DPP6: variants seen among roughly 807,000 people sequenced by gnomAD.
DPP6 encodes dipeptidyl peptidase like 6.
DPP6 carries 69 observed loss-of-function variants against 122.6 expected under a neutral mutation model. The observed-to-expected ratio is 0.56, with a 90% CI of 0.46 to 0.69. The LOEUF is 0.69. DPP6 is among the 30% of genes least tolerant of loss of function. The pLI is 0.00. For synonymous variants in DPP6, 418 were observed against 433.1 expected (o/e 0.97, Z 0.43); for missense variants, 928 against 1,116.9 (o/e 0.83, Z 2.41).
At chr7:154,674,705 C>T (rs756896145) in intron 7 of DPP6, among the ~76,000 whole-genome samples, 4 of 152,140 alleles carry the variant, frequency 2.6e-5, no homozygotes, top group Admixed American at 2.0e-4. Context: ...ACGCAGAGAG[C>T]GTCAAAATGT....
rs570813239 is a variant in DPP6 at position 154,823,435 on chromosome 7, G to A, written c.1666+16323G>A. On this transcript the variant is annotated intron_variant, in intron 16 of 25. Transcript: ENST00000377770. Reference sequence around the variant, plus strand: ...CCTATACTTAATGCACAGTAAATGGGTCTGAATGAATTTTCAAAGTGAATA... The same window carrying A: ...CCTATACTTAATGCACAGTAAATGGATCTGAATGAATTTTCAAAGTGAATA... Among the ~76,000 whole-genome samples, 11 of 152,240 alleles carry A rather than the reference G, an allele frequency of 7.2e-5. 1 individual carries two copies. In the South Asian group the frequency reaches 2.3e-3, roughly 32 times the overall value.
intron 5 of DPP6, among the ~76,000 whole-genome samples, chr7:154,584,522 G>A (rs146345635): frequency 0.027 from 4,144 of 152,336 alleles, 77 homozygotes; most frequent in East Asian, 0.083. Flanking sequence ...ATTGCAAAAT[G>A]GACCGTCCCC....
chr7:154,258,488 A>G (rs1264398687), intron 1 of DPP6, among the ~76,000 whole-genome samples: 1 of 152,200 alleles, frequency 6.6e-6, no homozygotes, highest in African/African-American at 2.4e-5. Context: ...ACGTTGTTAT[A>G]GGAGTGTGTG....
rs1163551726 is a variant in DPP6, at chr7:154,060,159, C to G, written c.243+7096C>G. On this transcript the variant is annotated intron_variant, in intron 1 of 25. Transcript: ENST00000377770. Reference sequence around the variant, plus strand: ...CTTTCCTCCCCTGGCTCTTTGCACCCCCATCGCAGGGGGGGAGGCACCCCT... The same window carrying G: ...CTTTCCTCCCCTGGCTCTTTGCACCGCCATCGCAGGGGGGGAGGCACCCCT... 4.1e-5 allele frequency among the ~76,000 whole-genome samples: 6 copies of G among 148,064 alleles called. No individual in the cohort carries two copies. In the East Asian group the frequency reaches 6.1e-4, roughly 15 times the overall value.
chr7:154,027,398 G>A (rs1197393987), intron 1 of DPP6, among the ~76,000 whole-genome samples: 3 of 152,108 alleles, frequency 2.0e-5, no homozygotes, highest in Admixed American at 6.5e-5. Context: ...GCACTTGGCC[G>A]TCTTCTGCAT....
chr7:154,314,070 A>T (rs948433166), intron 1 of DPP6, among the ~76,000 whole-genome samples: 1 of 152,066 alleles, frequency 6.6e-6, no homozygotes, highest in Non-Finnish European at 1.5e-5. Context: ...TAGGCTTGGG[A>T]TGATGAAGAC....
chr7:153,934,047 T>G (rs1364429505), intron 1 of DPP6, among the ~76,000 whole-genome samples: 3 of 152,254 alleles, frequency 2.0e-5, no homozygotes, highest in Non-Finnish European at 4.4e-5. Flanking sequence ...ATTTACTTTC[T>G]GGGCCTTTGC....
intron 1 of DPP6, among the ~76,000 whole-genome samples, chr7:153,923,748 G>A (rs1472570111): frequency 1.4e-4 from 16 of 113,870 alleles, no homozygotes; most frequent in Non-Finnish European, 2.1e-4. Context: ...GCAACAGAGC[G>A]AGACTCCATC....
rs146826730 is a variant in DPP6 at position 154,586,581 on chromosome 7, G to A, written c.627+19665G>A. ...TGCCCAGGCTGTCACGGTGGGACAC[G>A]GAGCCCAGCCCCTGATGGCACCATC... is the stretch of plus-strand genomic sequence containing the variant. On this transcript the variant is annotated intron_variant, in intron 5 of 25. Coordinates refer to ENST00000377770, the MANE Select transcript of DPP6 (RefSeq NM_130797.4). Among the ~76,000 whole-genome samples, 248 of 152,266 alleles carry A rather than the reference G, an allele frequency of 1.6e-3. 2 individuals carry two copies. The highest frequency in any genetic ancestry group is 5.3e-3 in the African/African-American group (222 of 41,560).
intron 2 of DPP6, among the ~76,000 whole-genome samples, chr7:154,472,141 A>G (rs973122409): frequency 2.0e-5 from 3 of 152,252 alleles, no homozygotes; most frequent in African/African-American, 4.8e-5. Flanking sequence ...AATTACTGGT[A>G]GTATTCCTGA....
intron 7 of DPP6, among the ~76,000 whole-genome samples, chr7:154,701,255 CTTTCT>C (rs1563119280): frequency 6.6e-6 from 1 of 152,182 alleles, no homozygotes; most frequent in Admixed American, 6.5e-5. Context: ...CTTTCCAGGC[CTTTCT>C]CCTCTGCCTC....
At chr7:154,796,538 ACT>A (rs1207255208) in intron 12 of DPP6, among the ~76,000 whole-genome samples, 1 of 152,170 alleles carries the variant, frequency 6.6e-6, no homozygotes, top group Non-Finnish European at 1.5e-5. Flanking sequence ...CTCATTCCAC[ACT>A]CTGACACTAA....
chr7:154,778,888 C>T (rs546998561), intron 10 of DPP6, among the ~76,000 whole-genome samples: 6 of 148,198 alleles, frequency 4.0e-5, no homozygotes, highest in African/African-American at 1.3e-4. Flanking sequence ...AACACTACAA[C>T]CTTCACCACC....
rs78764481 is a variant in DPP6, at chr7:154,195,753, T to A, written c.243+142690T>A. Among the ~76,000 whole-genome samples the A allele has an allele frequency of 5.0e-4, 76 of 152,280 alleles. 1 individual carries two copies. In the East Asian group the frequency reaches 0.014, roughly 28 times the overall value. On this transcript the variant is annotated intron_variant, in intron 1 of 25. Coordinates refer to ENST00000377770, the MANE Select transcript of DPP6 (RefSeq NM_130797.4). ...GTGTTAGGTGATATTTCCAAAAAAT[T>A]CTGTTATGCCACTCCTTTGAAAATT...
At chr7:154,744,831 T>C (rs1252044867) in intron 8 of DPP6, among the ~76,000 whole-genome samples, 2 of 152,194 alleles carry the variant, frequency 1.3e-5, no homozygotes, top group Non-Finnish European at 2.9e-5. Flanking sequence ...GCTTTGATTT[T>C]TCTCAAATAT....
chr7:154,427,330 C>T (rs967464506), intron 1 of DPP6, among the ~76,000 whole-genome samples: 6 of 152,126 alleles, frequency 3.9e-5, no homozygotes, highest in East Asian at 1.9e-4. Context: ...GACAAATTTA[C>T]GCTTTATCTC....
Position 154,284,621 on chromosome 7 carries a change from G to A in DPP6, c.244-161593G>A, listed in dbSNP as rs556059366. On this transcript the variant is annotated intron_variant, in intron 1 of 25. Transcript: ENST00000377770. ...CGTAATCCCAGCACTTTGGGAGGCC[G>A]AGACAGGCTGATCACTTGAGGTCAG... Among the ~76,000 whole-genome samples, 9 of 152,336 alleles carry A rather than the reference G, an allele frequency of 5.9e-5. No homozygotes were observed. The South Asian group carries it at 1.7e-3, about 28-fold the overall frequency.
chr7:154,858,110 C>T (rs1802992156), intron 17 of DPP6: 1 of 152,238 alleles, frequency 6.6e-6, no homozygotes. Context: ...CTGGAGGTCA[C>T]AGGGAGCCAT....
rs1491257957 is a variant in DPP6 at position 154,061,950 on chromosome 7, CCT to C, written c.243+8888_243+8889del. ...CCCCATCGCAGGAGGGGGAGGCAAC[CCT>C]GCGAGGGTGGGGACTGAGAGCTATC... is the stretch of plus-strand genomic sequence containing the variant. On this transcript the variant is annotated intron_variant, in intron 1 of 25. Coordinates refer to ENST00000377770, the MANE Select transcript of DPP6 (RefSeq NM_130797.4). Among the ~76,000 whole-genome samples, 110 of 133,794 alleles carry C rather than the reference CCT, an allele frequency of 8.2e-4. 14 individuals are homozygous for C. Among genetic ancestry groups the C allele is most frequent in the Admixed American group, 3.1e-3 (41 of 13,328 alleles). 87.8% of individuals were successfully genotyped at this position (133,794 alleles called of 152,430 possible).
Sources: allele counts gnomAD v4.1 joint callset (sites outside exome capture counted in the v4.1 genomes callset), GRCh38; gene constraint gnomAD v4.1.1; transcripts MANE v1.5; gene names NCBI Gene and HGNC (gene_info 2026-07-23, HGNC 2026-07-21).